Variants in PDE7A observed in about 807,000 individuals in gnomAD.
PDE7A encodes phosphodiesterase 7A.
A neutral mutation model predicts 64.3 loss-of-function variants in PDE7A; 39 were observed. The observed-to-expected ratio is 0.61, with a 90% CI of 0.47 to 0.79. PDE7A has a LOEUF of 0.79. PDE7A is among the 30% of genes least tolerant of loss of function. PDE7A has a pLI of 0.00. For missense variants in PDE7A, 470 were observed against 582.8 expected, an observed-to-expected ratio of 0.81 and a Z score of 1.99; for synonymous variants, 203 against 206.8, an observed-to-expected ratio of 0.98 and a Z score of 0.16.
Position 65,820,513 on chromosome 8 carries a change from G to C in PDE7A, c.138+20858C>G, listed in dbSNP as rs1252040829. Among the ~76,000 whole-genome samples, 3 of 151,018 alleles carry C rather than the reference G, an allele frequency of 2.0e-5. No individual in the cohort carries two copies. In the East Asian group the frequency reaches 5.8e-4, roughly 29 times the overall value. ...AAATACATAAAAATAATATTTGGTG[G>C]TTGAACTATTAATTATTCTTTATCA... On this transcript the variant is annotated intron_variant, in intron 1 of 12. Transcript: ENST00000401827.
chr8:65,774,982 T>C (rs568771008), intron 3 of PDE7A, among the ~76,000 whole-genome samples: 1 of 152,326 alleles, frequency 6.6e-6, no homozygotes, highest in Admixed American at 6.5e-5. Flanking sequence ...GACCGCACTT[T>C]AAGTACTGCT....
In PDE7A at chr8:65,841,938, G is replaced by A; in HGVS notation, c.-430C>T. On this transcript the variant is annotated 5_prime_UTR_variant, in exon 1 of 13. Transcript: ENST00000401827. ...CCAGCGGCCAGACCCAGGGCGCGCG[G>A]GACTCAGGAGCAGCGACCAGCTCGG... The A allele has an allele frequency of 4.2e-6, 1 of 237,418 alleles. No individual in the cohort carries two copies. Among genetic ancestry groups the A allele is most frequent in the Non-Finnish European group, 7.9e-6 (1 of 126,068 alleles). The allele number at this position is 237,418 out of a possible 1,614,324, so 14.7% of individuals were successfully genotyped here. A position where few individuals can be genotyped will look rare whatever the true frequency, so the allele number is the denominator to read the frequency against.
At position 65,751,475 on chromosome 8, in the gene PDE7A, G is replaced by GT. The variant is rs796547034; in HGVS notation, c.284-3673dup. ...AAGTTTCTATTGTATCCTTCCTGAG[G>GT]TTTTTTTTTTTCTTTTCTCGAGTTT... On this transcript the variant is annotated intron_variant, in intron 3 of 12. Coordinates refer to ENST00000401827, the MANE Select transcript of PDE7A (RefSeq NM_001242318.3). Among the ~76,000 whole-genome samples, 797 of 147,154 alleles carry GT rather than the reference G, an allele frequency of 5.4e-3. 1 individual carries two copies. The highest frequency in any genetic ancestry group is 6.5e-3 in the Non-Finnish European group (431 of 66,312).
At chr8:65,722,737 C>T (rs1325397855) in intron 12 of PDE7A, 3 of 152,232 alleles carry the variant, frequency 2.0e-5, no homozygotes, top group East Asian at 3.8e-4. Flanking sequence ...GTTCACTCAA[C>T]ACACAGTTCT....
intron 5 of PDE7A, among the ~76,000 whole-genome samples, chr8:65,742,724 T>C (rs900682718): frequency 1.3e-5 from 2 of 152,204 alleles, no homozygotes; most frequent in African/African-American, 4.8e-5. Flanking sequence ...CCCAATAACA[T>C]CTCTTTAAGT....
At chr8:65,787,906 T>C (rs1371387702) in intron 1 of PDE7A, among the ~76,000 whole-genome samples, 2 of 152,174 alleles carry the variant, frequency 1.3e-5, no homozygotes, top group Non-Finnish European at 2.9e-5. Flanking sequence ...AGAAAATAGC[T>C]GTCACTGCAA....
intron 3 of PDE7A, among the ~76,000 whole-genome samples, chr8:65,760,869 G>T (rs1475964809): frequency 1.3e-5 from 2 of 152,050 alleles, no homozygotes. Flanking sequence ...GCAAATAGAG[G>T]CCACTACAGA....
At chr8:65,825,546 C>G (rs1468376036) in intron 1 of PDE7A, among the ~76,000 whole-genome samples, 1 of 152,106 alleles carries the variant, frequency 6.6e-6, no homozygotes, top group Non-Finnish European at 1.5e-5. Flanking sequence ...TTAAATAAGA[C>G]TTGCATATAT....
chr8:65,766,070 C>G (rs1052190187), intron 3 of PDE7A, among the ~76,000 whole-genome samples: 3 of 152,146 alleles, frequency 2.0e-5, no homozygotes, highest in Admixed American at 2.0e-4. Flanking sequence ...CTCAGCCTCC[C>G]GAGCAGCTGG....
intron 1 of PDE7A, among the ~76,000 whole-genome samples, chr8:65,796,630 T>A (rs1809851588): frequency 1.3e-5 from 2 of 152,038 alleles, no homozygotes; most frequent in Non-Finnish European, 2.9e-5. Flanking sequence ...AAAATGCATT[T>A]GACAAAATTC....
intron 1 of PDE7A, among the ~76,000 whole-genome samples, chr8:65,840,030 T>C (rs1409145340): frequency 2.0e-5 from 3 of 152,220 alleles, no homozygotes; most frequent in Non-Finnish European, 2.9e-5. Context: ...TAAAAACCTT[T>C]AACTACTACT....
At chr8:65,729,364 CTTTTTTTT>C (rs10540107) in intron 7 of PDE7A, among the ~76,000 whole-genome samples, 14 of 80,080 alleles carry the variant, frequency 1.7e-4, no homozygotes, top group East Asian at 1.5e-3. Context: ...TTGGTGGTAG[CTTTTTTTT>C]TTTTTTTTTT....
In PDE7A at chr8:65,739,612, G is replaced by A; in HGVS notation, c.500-15C>T. 8 of 1,500,910 alleles carry A rather than the reference G, an allele frequency of 5.3e-6. No individual in the cohort carries two copies. Among genetic ancestry groups the A allele is most frequent in the Non-Finnish European group, 7.1e-6 (8 of 1,128,710 alleles). The allele number at this position is 1,500,910 out of a possible 1,614,324, so 93.0% of individuals were successfully genotyped here. ...TAGACTATTTCCTAAAAAGAAAGAAGAGACATTACATTAGTAGGAAATACA... is the reference window on the plus strand; with the variant it reads ...TAGACTATTTCCTAAAAAGAAAGAAAAGACATTACATTAGTAGGAAATACA... On this transcript the variant is annotated splice_polypyrimidine_tract_variant and intron_variant, in intron 5 of 12. Coordinates refer to ENST00000401827, the MANE Select transcript of PDE7A (RefSeq NM_001242318.3).
intron 5 of PDE7A, among the ~76,000 whole-genome samples, chr8:65,741,289 G>A (rs969805996): frequency 5.3e-5 from 8 of 151,964 alleles, no homozygotes; most frequent in East Asian, 1.9e-4. Flanking sequence ...TAAAATACAC[G>A]ATTCTAGTAT....
intron 1 of PDE7A, among the ~76,000 whole-genome samples, chr8:65,790,665 C>G (rs1809675692): frequency 6.6e-6 from 1 of 152,102 alleles, no homozygotes; most frequent in South Asian, 2.1e-4. Flanking sequence ...TAACCTGAAA[C>G]CATTCTTAAC....
intron 7 of PDE7A, among the ~76,000 whole-genome samples, chr8:65,732,308 T>G (rs1393930509): frequency 6.6e-6 from 1 of 152,074 alleles, no homozygotes; most frequent in Non-Finnish European, 1.5e-5. Context: ...CACTAACATA[T>G]TATTTTGATC....
At chr8:65,772,055 A>T (rs1052359618) in intron 3 of PDE7A, among the ~76,000 whole-genome samples, 7 of 152,278 alleles carry the variant, frequency 4.6e-5, no homozygotes, top group African/African-American at 1.7e-4. Flanking sequence ...AGAATAGGCT[A>T]TGTAAGCATA....
In PDE7A at chr8:65,734,845, G is replaced by T; in HGVS notation, c.645C>A (p.Val215=). ...TGGCCTGAGTAACATCCGCAGCGTG[G>T]ACTGCGTTATGGTAAGGATTTTGAC... ...YHSQNPYHNA[V]HAADVTQAMH... Residue 215 remains valine, a synonymous_variant, in exon 7 of 13, where the codon GTC becomes GTA. Transcript: ENST00000401827. The T allele has an allele frequency of 1.2e-6, 2 of 1,612,562 alleles. No homozygotes were observed. The highest frequency in any genetic ancestry group is 1.1e-5 in the South Asian group (1 of 91,016).
chr8:65,772,484 T>A (rs1240526022), intron 3 of PDE7A, among the ~76,000 whole-genome samples: 1 of 152,120 alleles, frequency 6.6e-6, no homozygotes, highest in Admixed American at 6.5e-5. Flanking sequence ...GTGGCATAAA[T>A]CACAAATTCC....
Sources: allele counts gnomAD v4.1 joint callset (sites outside exome capture counted in the v4.1 genomes callset), GRCh38; gene constraint gnomAD v4.1.1; transcripts MANE v1.5; gene names NCBI Gene and HGNC (gene_info 2026-07-23, HGNC 2026-07-21).